Variants in NBPF11 observed in about 807,000 individuals in gnomAD.
NBPF11 encodes the protein NBPF member 11.
In NBPF11, 72 loss-of-function variants were observed where a neutral mutation model predicts 93.9. The observed-to-expected ratio is 0.77, with a 90% CI of 0.63 to 0.93. The LOEUF is 0.93. NBPF11 is among the 40% of genes least tolerant of loss of function. The pLI is 0.00. For missense variants in NBPF11, 705 were observed against 802.2 expected, an observed-to-expected ratio of 0.88 and a Z score of 1.46; for synonymous variants, 224 against 304.9, an observed-to-expected ratio of 0.73 and a Z score of 2.76.
intron 4 of NBPF11, among the ~76,000 whole-genome samples, chr1:148,132,581 A>G (rs1670589028): frequency 1.3e-5 from 2 of 149,788 alleles, no homozygotes; most frequent in Non-Finnish European, 1.5e-5. Context: ...TCAATTTACG[A>G]AGAACTGACT....
chr1:148,111,160 C>A (rs1665163458), intron 15 of NBPF11, among the ~76,000 whole-genome samples: 1 of 151,386 alleles, frequency 6.6e-6, no homozygotes, highest in Admixed American at 6.6e-5. Flanking sequence ...AGCTGAGGGA[C>A]CTGACTGTTA....
intron 2 of NBPF11, among the ~76,000 whole-genome samples, chr1:148,142,906 C>T (rs1382895098): frequency 6.6e-6 from 1 of 152,270 alleles, no homozygotes; most frequent in Non-Finnish European, 1.5e-5. Context: ...ATTATACTGG[C>T]AACTGAGCCA....
rs1404713086 is a variant in NBPF11 at position 148,103,597 on chromosome 1, T to C, written c.*299A>G. 21 of 1,608,616 alleles carry C rather than the reference T, an allele frequency of 1.3e-5. No individual in the cohort carries two copies. The South Asian group carries it at 1.4e-4, about 11-fold the overall frequency. On this transcript the variant is annotated 3_prime_UTR_variant, in exon 24 of 24. Transcript: ENST00000682118. ...TCTGGGCTTCCAAATGGAACTATAGTTTCATTCAAATCTTCAGGTGCCTAT... is the reference window on the plus strand; with the variant it reads ...TCTGGGCTTCCAAATGGAACTATAGCTTCATTCAAATCTTCAGGTGCCTAT...
chr1:148,105,773 C>G (rs587626496), intron 21 of NBPF11, among the ~76,000 whole-genome samples: 67 of 85,464 alleles, frequency 7.8e-4, no homozygotes, highest in African/African-American at 6.1e-3. Context: ...CACACACACA[C>G]ACTGAGAGAG....
At chr1:148,136,731 T>TA (rs1671348657) in intron 3 of NBPF11, among the ~76,000 whole-genome samples, 1 of 151,870 alleles carries the variant, frequency 6.6e-6, no homozygotes, top group African/African-American at 2.4e-5. Context: ...CTGTAGTTGT[T>TA]ATTCTATGCC....
intron 10 of NBPF11, among the ~76,000 whole-genome samples, chr1:148,120,090 T>A (rs74755206): frequency 6.7e-6 from 1 of 148,608 alleles, no homozygotes; most frequent in Non-Finnish European, 1.5e-5. Flanking sequence ...CAGAGCTTTG[T>A]GTATTGGGCC....
rs1230680755 is a variant in NBPF11 at position 148,149,434 on chromosome 1, C to G, written c.-549+2316G>C. On this transcript the variant is annotated intron_variant, in intron 1 of 23. Coordinates refer to ENST00000682118, the MANE Select transcript of NBPF11 (RefSeq NM_001385469.3). ...ACTTCTCGCACGGGCTGGCGCTCTA[C>G]GAGCGCTGCCCCAAGGCGGTGGAGC... 1.6e-5 allele frequency: 25 copies of G among 1,582,618 alleles called. No individual in the cohort carries two copies. The East Asian group carries it at 2.5e-4, about 16-fold the overall frequency.
At chr1:148,105,860 C>A (rs1164976589) in intron 21 of NBPF11, among the ~76,000 whole-genome samples, 2 of 139,582 alleles carry the variant, frequency 1.4e-5, no homozygotes, top group Non-Finnish European at 3.0e-5. Context: ...AGTTAGTGCC[C>A]TCAGGACACA....
At chr1:148,146,563 A>G (rs1673122809) in intron 1 of NBPF11, 1 of 1,605,996 alleles carries the variant, frequency 6.2e-7, no homozygotes, top group Admixed American at 1.7e-5. Flanking sequence ...GGGGACCCTG[A>G]GAGCCTCCTC....
Position 148,149,451 on chromosome 1 carries a change from C to T in NBPF11, c.-549+2299G>A, listed in dbSNP as rs1357572715. ...GCGCTCTACGAGCGCTGCCCCAAGG[C>T]GGTGGAGCCGCTGTGGGTGGAGGGC... is the stretch of plus-strand genomic sequence containing the variant. On this transcript the variant is annotated intron_variant, in intron 1 of 23. Transcript: ENST00000682118. 2.5e-3 allele frequency: 3,915 copies of T among 1,586,696 alleles called. 132 individuals carry two copies. The African/African-American group carries it at 0.048, about 19-fold the overall frequency.
chr1:148,147,795 C>T (rs1181736974), intron 1 of NBPF11, among the ~76,000 whole-genome samples: 5 of 151,992 alleles, frequency 3.3e-5, no homozygotes, highest in South Asian at 2.1e-4. Context: ...AGTTGTGGGA[C>T]GCTGACACCA....
At chr1:148,108,768 C>A (rs1664453993) in intron 17 of NBPF11, 114 bp from the exon 18 acceptor site, 2 of 722,246 alleles carry the variant, frequency 2.8e-6, no homozygotes, top group South Asian at 1.5e-5. Flanking sequence ...AGGACAGATC[C>A]ATTAATGAGG....
At chr1:148,109,551 T>A (rs1215475764) in intron 16 of NBPF11, 1 of 633,494 alleles carries the variant, frequency 1.6e-6, no homozygotes, top group South Asian at 1.8e-5. Flanking sequence ...TGTGTTGGAA[T>A]GTTATTTTCC....
chr1:148,126,288 G>C (rs1443163688), intron 5 of NBPF11, among the ~76,000 whole-genome samples: 2 of 149,700 alleles, frequency 1.3e-5, no homozygotes, highest in Non-Finnish European at 2.9e-5. Context: ...AGTGAGCCAC[G>C]TTGCACGGCC....
intron 4 of NBPF11, among the ~76,000 whole-genome samples, chr1:148,132,723 C>CCTTTTT (rs1670621188): frequency 3.0e-5 from 1 of 33,212 alleles, no homozygotes. Flanking sequence ...GTTGACTTTC[C>CCTTTTT]TTTTTTTTTT....
intron 4 of NBPF11, among the ~76,000 whole-genome samples, chr1:148,129,269 TATATACATA>T (rs1669858478): frequency 6.8e-6 from 1 of 147,516 alleles, no homozygotes; most frequent in Admixed American, 6.8e-5. Flanking sequence ...ATAATACGTG[TATATACATA>T]ATATACAATA....
rs1312797453 is a variant in NBPF11, at chr1:148,126,940, C to T, written c.64G>A (p.Glu22Lys). 20 of 980,448 alleles carry T rather than the reference C, an allele frequency of 2.0e-5. No homozygotes were observed. Among genetic ancestry groups the T allele is most frequent in the South Asian group, 1.2e-4 (9 of 77,450 alleles). 60.7% of individuals were successfully genotyped at this position (980,448 alleles called of 1,614,324 possible). ...KAEMNILEIN[E>K]KLRPQLAENK... Reference sequence around the variant, plus strand: ...TCTGCCAACTGGGGGCGCAATTTCTCGTTGATTTCTAGAATGTTCATCTCT... The same window carrying T: ...TCTGCCAACTGGGGGCGCAATTTCTTGTTGATTTCTAGAATGTTCATCTCT... Residue 22 changes from glutamate to lysine, a missense_variant, in exon 5 of 24, where the codon GAG becomes AAG. Physicochemically the swap from Glu to Lys is moderately conservative, Grantham distance 56. This residue lies in a region of NBPF11 where 128 missense variants were observed against 112.8 expected (regional missense o/e 1.14). Coordinates refer to ENST00000682118, the MANE Select transcript of NBPF11 (RefSeq NM_001385469.3).
chr1:148,149,522 C>G, intron 1 of NBPF11: 1 of 1,593,834 alleles, frequency 6.3e-7, no homozygotes, highest in Non-Finnish European at 8.5e-7. Context: ...CCTGGAGCGC[C>G]TGCGTCGCTT....
At position 148,122,723 on chromosome 1, in the gene NBPF11, T is replaced by C; in HGVS notation, c.566+6A>G. 6.2e-7 allele frequency: 1 copy of C among 1,609,616 alleles called. No homozygotes were observed. The highest frequency in any genetic ancestry group is 1.7e-5 in the Admixed American group (1 of 60,012). ...CCATTACTTGCTCCTGAGTATTCAA[T>C]GTTACCTGGGGGCAGATGATTCCAG... On this transcript the variant is annotated splice_donor_region_variant and intron_variant, in intron 8 of 23. Coordinates refer to ENST00000682118, the MANE Select transcript of NBPF11 (RefSeq NM_001385469.3).
Sources: allele counts gnomAD v4.1 joint callset (sites outside exome capture counted in the v4.1 genomes callset), GRCh38; gene constraint gnomAD v4.1.1; regional missense constraint gnomAD v4.1.1; transcripts MANE v1.5; gene names NCBI Gene and HGNC (gene_info 2026-07-23, HGNC 2026-07-21).